The following DCC variants were observed in gnomAD, a reference collection of about 807,000 sequenced individuals.
DCC encodes netrin receptor DCC.
A neutral mutation model predicts 172.5 loss-of-function variants in DCC; 58 were observed. That is an observed-to-expected ratio of 0.34 (90% CI 0.27 to 0.42). The LOEUF is 0.42. DCC is among the 10% of genes least tolerant of loss of function. The pLI is 1.00. For missense variants in DCC, 1,740 were observed against 1,791.0 expected (o/e 0.97, Z 0.51); for synonymous variants, 709 against 644.5 (o/e 1.10, Z -1.52).
intron 12 of DCC, among the ~76,000 whole-genome samples, chr18:53,277,199 A>G (rs75205623): frequency 0.098 from 14,874 of 152,144 alleles, 2,372 homozygotes; most frequent in African/African-American, 0.33. Flanking sequence ...GCCAGGCACG[A>G]TAGCTCACGC....
chr18:53,282,800 A>G (rs2056888849), intron 12 of DCC, among the ~76,000 whole-genome samples: 1 of 152,188 alleles, frequency 6.6e-6, no homozygotes, highest in African/African-American at 2.4e-5. Flanking sequence ...ATGTTATTGA[A>G]TATGTGCAGG....
At chr18:53,415,851 A>C (rs1390871813) in intron 20 of DCC, among the ~76,000 whole-genome samples, 1 of 151,964 alleles carries the variant, frequency 6.6e-6, no homozygotes, top group African/African-American at 2.4e-5. Context: ...AATTAAATTT[A>C]TATAATTGTT....
chr18:52,382,658 C>T (rs1212642342), intron 1 of DCC, among the ~76,000 whole-genome samples: 1 of 151,984 alleles, frequency 6.6e-6, no homozygotes, highest in Non-Finnish European at 1.5e-5. Flanking sequence ...CCAATTTGAC[C>T]TGAGAGATTA....
At chr18:52,987,652 T>C (rs952073523) in intron 5 of DCC, among the ~76,000 whole-genome samples, 4 of 152,162 alleles carry the variant, frequency 2.6e-5, no homozygotes, top group Non-Finnish European at 5.9e-5. Flanking sequence ...AATGGTTGAG[T>C]TGCAACAGAG....
At chr18:52,872,229 G>A (rs1011389413) in intron 2 of DCC, among the ~76,000 whole-genome samples, 3 of 152,178 alleles carry the variant, frequency 2.0e-5, no homozygotes, top group Non-Finnish European at 2.9e-5. Flanking sequence ...TGGCAAAACA[G>A]GTTATGGGAG....
chr18:52,821,804 T>C (rs1450313797), intron 2 of DCC, among the ~76,000 whole-genome samples: 1 of 152,256 alleles, frequency 6.6e-6, no homozygotes, highest in African/African-American at 2.4e-5. Flanking sequence ...TCCTTGGTCT[T>C]GTATCTTGTT....
At chr18:52,867,287 T>C (rs1263933524) in intron 2 of DCC, among the ~76,000 whole-genome samples, 1 of 152,192 alleles carries the variant, frequency 6.6e-6, no homozygotes, top group Non-Finnish European at 1.5e-5. Flanking sequence ...TTGCCAGTAT[T>C]TTATTGAGGA....
At chr18:53,230,673 AT>A (rs1285824240) in intron 12 of DCC, among the ~76,000 whole-genome samples, 1 of 152,022 alleles carries the variant, frequency 6.6e-6, no homozygotes, top group African/African-American at 2.4e-5. Flanking sequence ...CCAGTTAGTA[AT>A]TTTTTCCCTT....
At chr18:52,836,323 A>G (rs2038704141) in intron 2 of DCC, among the ~76,000 whole-genome samples, 1 of 152,198 alleles carries the variant, frequency 6.6e-6, no homozygotes, top group African/African-American at 2.4e-5. Flanking sequence ...TGCCCTTCCA[A>G]CAGTCTCCCA....
intron 27 of DCC, among the ~76,000 whole-genome samples, chr18:53,500,408 G>A (rs1299544466): frequency 6.6e-6 from 1 of 152,122 alleles, no homozygotes; most frequent in Non-Finnish European, 1.5e-5. Context: ...TGGCCTCCTT[G>A]ATGAGCATAG....
chr18:53,011,356 AT>A (rs1299301364), intron 5 of DCC, among the ~76,000 whole-genome samples: 1 of 151,706 alleles, frequency 6.6e-6, no homozygotes, highest in Non-Finnish European at 1.5e-5. Context: ...TTTTGAAAAA[AT>A]ATAACCCCAT....
At chr18:53,337,809 A>G (rs2057609412) in intron 14 of DCC, among the ~76,000 whole-genome samples, 1 of 152,226 alleles carries the variant, frequency 6.6e-6, no homozygotes, top group Non-Finnish European at 1.5e-5. Context: ...GCATATGGAT[A>G]AAAGTGGAGG....
chr18:52,805,278 G>T (rs1282069685), intron 2 of DCC, among the ~76,000 whole-genome samples: 4 of 152,152 alleles, frequency 2.6e-5, no homozygotes, highest in Admixed American at 6.5e-5. Context: ...CAAGTGAGGT[G>T]TATATTAACA....
At chr18:53,448,206 A>C (rs1294309471) in intron 22 of DCC, among the ~76,000 whole-genome samples, 1 of 152,206 alleles carries the variant, frequency 6.6e-6, no homozygotes, top group Non-Finnish European at 1.5e-5. Context: ...ATACGTTCTT[A>C]CAATGCTAAT....
intron 1 of DCC, among the ~76,000 whole-genome samples, chr18:52,673,957 GC>G (rs1407719553): frequency 6.6e-6 from 1 of 152,136 alleles, no homozygotes; most frequent in South Asian, 2.1e-4. Context: ...GGCCAGCTGA[GC>G]ATATCTCACC....
intron 2 of DCC, among the ~76,000 whole-genome samples, chr18:52,755,890 T>G (rs758625520): frequency 7.2e-5 from 11 of 152,232 alleles, no homozygotes; most frequent in Middle Eastern, 3.2e-3. Flanking sequence ...GATCTTGCCA[T>G]GCACCATTCA....
At chr18:53,067,706 C>T (rs1407855991) in intron 7 of DCC, among the ~76,000 whole-genome samples, 1 of 152,154 alleles carries the variant, frequency 6.6e-6, no homozygotes, top group African/African-American at 2.4e-5. Flanking sequence ...GATCCAAATA[C>T]TTCAAAATGT....
intron 1 of DCC, among the ~76,000 whole-genome samples, chr18:52,576,233 A>T (rs1218758956): frequency 1.3e-5 from 2 of 152,224 alleles, no homozygotes; most frequent in East Asian, 3.9e-4. Context: ...GCAAGTGCAT[A>T]GATGTCCGCA....
chr18:52,767,739 C>T (rs781391455), intron 2 of DCC, among the ~76,000 whole-genome samples: 1 of 152,100 alleles, frequency 6.6e-6, no homozygotes, highest in Non-Finnish European at 1.5e-5. Context: ...TAAAAAAGGG[C>T]TTTTTAAAAG....
Sources: allele counts gnomAD v4.1 joint callset (sites outside exome capture counted in the v4.1 genomes callset), GRCh38; gene constraint gnomAD v4.1.1; transcripts MANE v1.5; gene names NCBI Gene and HGNC (gene_info 2026-07-23, HGNC 2026-07-21).